TTLL6: variants seen among roughly 807,000 people sequenced by gnomAD.
The protein encoded by TTLL6 is tubulin tyrosine ligase like 6.
Under a neutral mutation model 96.4 loss-of-function variants are expected in TTLL6, and 75 were observed. The observed-to-expected ratio is 0.78, with a 90% CI of 0.65 to 0.94. The LOEUF (loss-of-function observed/expected upper bound fraction) is 0.94, where lower values mean the gene tolerates loss of function less well. Among genes scored for constraint, TTLL6 ranks in the 40% least tolerant of loss-of-function variants. TTLL6 has a pLI of 0.00. For missense variants in TTLL6, 1,030 were observed against 1,093.0 expected (o/e 0.94, Z 0.81); for synonymous variants, 411 against 419.4 (o/e 0.98, Z 0.24).
At position 48,791,424 on chromosome 17, in the gene TTLL6, C is replaced by G; in HGVS notation, c.1178G>C (p.Gly393Ala). 4.3e-6 allele frequency: 7 copies of G among 1,614,174 alleles called. No homozygotes were observed. Among genetic ancestry groups the G allele is most frequent in the South Asian group, 1.1e-5 (1 of 91,078 alleles). Residue 393 changes from glycine to alanine, a missense_variant, in exon 9 of 16, where the codon GGC becomes GCC. By Grantham distance (60) the Gly-to-Ala change is moderately conservative (BLOSUM62 0). Coordinates refer to ENST00000393382, the MANE Select transcript of TTLL6 (RefSeq NM_001130918.3). Reference sequence around the variant, plus strand: ...TTTGTGGTCCAACAAAATGTCAAAGCCCAGGATCTCAAAGCAGGCGCTGTT... The same window carrying G: ...TTTGTGGTCCAACAAAATGTCAAAGGCCAGGATCTCAAAGCAGGCGCTGTT... ...TLNSACFEILGFDILLDHKLK... is the reference protein window; with the variant it reads ...TLNSACFEILAFDILLDHKLK...
chr17:48,783,466 C>A (rs1047557384), intron 13 of TTLL6, among the ~76,000 whole-genome samples: 15 of 150,404 alleles, frequency 1.0e-4, no homozygotes, highest in Admixed American at 5.3e-4. Flanking sequence ...GAGTCTCACT[C>A]TGTTGCCCAG....
chr17:48,794,110 G>A lies in TTLL6; in HGVS notation c.998+1951C>T, dbSNP rs530378003. 14 of 1,571,808 alleles carry A rather than the reference G, an allele frequency of 8.9e-6. No homozygotes were observed. In the South Asian group the frequency reaches 1.5e-4, roughly 17 times the overall value. On this transcript the variant is annotated intron_variant, in intron 8 of 15. Transcript: ENST00000393382. ...ACGGCTGCTCCAGGAGAGAGTGGAT[G>A]GAGAAGTACAGTGGGGTGAGAGGGA...
chr17:48,762,815 A>G lies in TTLL6; in HGVS notation c.*159T>C, dbSNP rs2038514439. 1 of 433,138 alleles carries G rather than the reference A, an allele frequency of 2.3e-6. No individual in the cohort carries two copies. The highest frequency in any genetic ancestry group is 2.0e-5 in the African/African-American group (1 of 49,002). 26.8% of individuals were successfully genotyped at this position (433,138 alleles called of 1,614,324 possible). On this transcript the variant is annotated 3_prime_UTR_variant, in exon 16 of 16. Coordinates refer to ENST00000393382, the MANE Select transcript of TTLL6 (RefSeq NM_001130918.3). ...GAACAGAGGCAGGGCTGTTGGCCCC[A>G]TTGCTGCTACTAGGAACTAATGGAA...
chr17:48,774,108 A>AAAAAAAC (rs2038814796), intron 13 of TTLL6, among the ~76,000 whole-genome samples: 4 of 130,534 alleles, frequency 3.1e-5, no homozygotes, highest in Admixed American at 8.8e-5. Flanking sequence ...AAAAAAAAAA[A>AAAAAAAC]AAAACAAGAA....
chr17:48,786,579 G>A (rs965777793), intron 11 of TTLL6, among the ~76,000 whole-genome samples: 1 of 152,202 alleles, frequency 6.6e-6, no homozygotes, highest in African/African-American at 2.4e-5. Flanking sequence ...GCAGTAAGGG[G>A]GCTATTCCCT....
At chr17:48,805,040 G>T in intron 1 of TTLL6, 49 bp from the exon 2 acceptor site, 2 of 1,437,794 alleles carry the variant, frequency 1.4e-6, no homozygotes, top group Non-Finnish European at 1.9e-6. Flanking sequence ...CACCTGCAGG[G>T]GGACCCCCTC....
intron 13 of TTLL6, among the ~76,000 whole-genome samples, chr17:48,773,154 A>G (rs1250249598): frequency 1.2e-5 from 1 of 82,892 alleles, no homozygotes; most frequent in Admixed American, 1.5e-4. Flanking sequence ...ATCTGAAAAC[A>G]AAAGAGAATC....
Position 48,803,886 on chromosome 17 carries a change from C to T in TTLL6, c.361+5G>A. On this transcript the variant is annotated splice_donor_5th_base_variant and intron_variant, in intron 3 of 15. Transcript: ENST00000393382. ...ATTATAGATCTCCTGAATGTAGATG[C>T]TCACCACTCTCATACCGGCAGCTGG... 1 of 1,547,742 alleles carries T rather than the reference C, an allele frequency of 6.5e-7. No homozygotes were observed. The highest frequency in any genetic ancestry group is 2.0e-5 in the Admixed American group (1 of 50,996).
intron 2 of TTLL6, 118 bp from the exon 3 acceptor site, chr17:48,804,046 T>C: frequency 8.2e-7 from 1 of 1,222,092 alleles, no homozygotes; most frequent in Non-Finnish European, 1.2e-6. Context: ...CCTGCCATGC[T>C]AAGCCTGGTT....
At chr17:48,808,504 G>A (rs1382806283) in intron 1 of TTLL6, among the ~76,000 whole-genome samples, 2 of 152,104 alleles carry the variant, frequency 1.3e-5, no homozygotes, top group Non-Finnish European at 2.9e-5. Context: ...TGCAACAAGA[G>A]CAGGCTCACC....
chr17:48,788,766 C>T (rs1426119601), intron 10 of TTLL6, among the ~76,000 whole-genome samples: 1 of 152,136 alleles, frequency 6.6e-6, no homozygotes, highest in Non-Finnish European at 1.5e-5. Context: ...AGAACAAGGC[C>T]ACACAGCACT....
chr17:48,766,073 G>A (rs2038598271), intron 15 of TTLL6, among the ~76,000 whole-genome samples: 1 of 152,166 alleles, frequency 6.6e-6, no homozygotes, highest in African/African-American at 2.4e-5. Context: ...AAAGTGACAC[G>A]AAGAATCAGC....
At chr17:48,787,747 A>G in intron 11 of TTLL6, 64 bp downstream of exon 11, 1 of 1,497,726 alleles carries the variant, frequency 6.7e-7, no homozygotes, top group Non-Finnish European at 9.1e-7. Flanking sequence ...CAGGCCAGTC[A>G]GCCAATAGAT....
At chr17:48,809,490 T>G (rs1306583068) in intron 1 of TTLL6, among the ~76,000 whole-genome samples, 1 of 152,128 alleles carries the variant, frequency 6.6e-6, no homozygotes, top group Non-Finnish European at 1.5e-5. Flanking sequence ...CCTCTAGAAG[T>G]GCGGGTTCTC....
Position 48,787,872 on chromosome 17 carries a change from G to A in TTLL6, c.1528C>T (p.Gln510Ter), listed in dbSNP as rs1051042146. The A allele has an allele frequency of 2.5e-6, 4 of 1,614,164 alleles. No homozygotes were observed. Among genetic ancestry groups the A allele is most frequent in the Non-Finnish European group, 1.7e-6 (2 of 1,180,032 alleles). Residue 510 changes from glutamine to a stop codon, truncating the protein, a stop_gained, in exon 11 of 16, where the codon CAG (glutamine) becomes TAG (stop). Coordinates refer to ENST00000393382, the MANE Select transcript of TTLL6 (RefSeq NM_001130918.3). LOFTEE classifies it high-confidence loss of function. The part of the protein sequence containing the change: ...LNSEKYEKFF[Q>*]DNNSLFQNTV... ...TTCTGGAAGAGGGAGTTGTTGTCCTGGAAAAACTTCTCATACTTCTCCGAA... is the reference window on the plus strand; with the variant it reads ...TTCTGGAAGAGGGAGTTGTTGTCCTAGAAAAACTTCTCATACTTCTCCGAA...
At chr17:48,774,378 G>C (rs1208633321) in intron 13 of TTLL6, among the ~76,000 whole-genome samples, 7 of 151,522 alleles carry the variant, frequency 4.6e-5, no homozygotes, top group Non-Finnish European at 1.0e-4. Flanking sequence ...TGCCCAGGCT[G>C]TTCTCGAACT....
At position 48,801,553 on chromosome 17, in the gene TTLL6, T is replaced by C. The variant is rs922640542; in HGVS notation, c.452A>G (p.Glu151Gly). Reference sequence around the variant, plus strand: ...GTAACTTTTCATTTCCATCACCCGCTCCAGTGACACTGAGTAATCTGTCCA... The same window carrying C: ...GTAACTTTTCATTTCCATCACCCGCCCCAGTGACACTGAGTAATCTGTCCA... The part of the protein sequence containing the change: ...LYWTDYSVSL[E>G]RVMEMKSYQK... Residue 151 changes from glutamate (E) to glycine (G), a missense_variant, in exon 4 of 16, where the codon GAG becomes GGG. Transcript: ENST00000393382. 1.9e-6 allele frequency: 3 copies of C among 1,551,748 alleles called. No homozygotes were observed. The highest frequency in any genetic ancestry group is 2.6e-6 in the Non-Finnish European group (3 of 1,147,030).
intron 7 of TTLL6, among the ~76,000 whole-genome samples, chr17:48,796,400 T>C (rs1313719470): frequency 2.0e-5 from 3 of 152,136 alleles, no homozygotes; most frequent in Non-Finnish European, 4.4e-5. Flanking sequence ...GGCAGGCAGA[T>C]CACGAGGTCA....
At chr17:48,802,646 G>A (rs376127181) in intron 3 of TTLL6, among the ~76,000 whole-genome samples, 70 of 152,268 alleles carry the variant, frequency 4.6e-4, no homozygotes, top group African/African-American at 1.4e-3. Flanking sequence ...CAAGGTGGGC[G>A]GATCACCTGA....
Sources: allele counts gnomAD v4.1 joint callset (sites outside exome capture counted in the v4.1 genomes callset), GRCh38; gene constraint gnomAD v4.1.1; transcripts MANE v1.5; gene names NCBI Gene and HGNC (gene_info 2026-07-23, HGNC 2026-07-21).